ACTN4: variants seen among roughly 807,000 people sequenced by gnomAD.
ACTN4 encodes actinin alpha 4, also known as alpha-actinin-4.
A neutral mutation model predicts 114.2 loss-of-function variants in ACTN4; 18 were observed. That is an observed-to-expected ratio of 0.16 (90% CI 0.11 to 0.23). ACTN4 has a LOEUF of 0.23. Among genes scored for constraint, ACTN4 ranks in the 10% least tolerant of loss-of-function variants. ACTN4 has a pLI of 1.00. For missense variants in ACTN4, 722 were observed against 1,262.9 expected (o/e 0.57, Z 6.49); for synonymous variants, 515 against 506.3 (o/e 1.02, Z -0.23).
intron 1 of ACTN4, among the ~76,000 whole-genome samples, chr19:38,648,500 T>G (rs1390457331): frequency 6.6e-6 from 1 of 151,020 alleles, no homozygotes; most frequent in African/African-American, 2.4e-5. Context: ...GTGGGAAGAC[T>G]AGGGAGGCTG....
chr19:38,691,828 G>C (rs796459896), intron 1 of ACTN4, among the ~76,000 whole-genome samples: 1 of 152,046 alleles, frequency 6.6e-6, no homozygotes, highest in African/African-American at 2.4e-5. Flanking sequence ...ACTTGAACCC[G>C]GGAGGTGGAG....
At chr19:38,682,044 T>A (rs1967593867) in intron 1 of ACTN4, among the ~76,000 whole-genome samples, 1 of 152,150 alleles carries the variant, frequency 6.6e-6, no homozygotes, top group Non-Finnish European at 1.5e-5. Context: ...TTGACCAGGC[T>A]GGTATCAAGC....
At chr19:38,652,268 C>T (rs35091905) in intron 1 of ACTN4, among the ~76,000 whole-genome samples, 17 of 152,164 alleles carry the variant, frequency 1.1e-4, no homozygotes, top group Non-Finnish European at 2.4e-4. Flanking sequence ...CAAGTATACT[C>T]TGTTTGCCCT....
chr19:38,673,681 T>TA (rs1462100755), intron 1 of ACTN4, among the ~76,000 whole-genome samples: 2,070 of 96,788 alleles, frequency 0.021, 236 homozygotes, highest in African/African-American at 0.086. Flanking sequence ...TATTTATATA[T>TA]TTATATATAT....
chr19:38,654,344 G>A (rs1031686538), intron 1 of ACTN4, among the ~76,000 whole-genome samples: 1 of 151,974 alleles, frequency 6.6e-6, no homozygotes, highest in Non-Finnish European at 1.5e-5. Context: ...GGTGGATCAC[G>A]TGAGGTCAGG....
chr19:38,649,276 G>C (rs1976485378), intron 1 of ACTN4, among the ~76,000 whole-genome samples: 1 of 127,050 alleles, frequency 7.9e-6, no homozygotes, highest in Admixed American at 8.3e-5. Context: ...TGTCTGTGGG[G>C]GGGGGATAAA....
chr19:38,687,948 G>A (rs1461376902), intron 1 of ACTN4, among the ~76,000 whole-genome samples: 2 of 152,156 alleles, frequency 1.3e-5, no homozygotes, highest in East Asian at 3.8e-4. Flanking sequence ...ATGGGCAAAG[G>A]ATTCAAATAG....
chr19:38,697,168 G>A (rs1413582215), intron 1 of ACTN4, among the ~76,000 whole-genome samples: 1 of 152,190 alleles, frequency 6.6e-6, no homozygotes, highest in Non-Finnish European at 1.5e-5. Context: ...CGTATGGAGG[G>A]CGGGTAGGGC....
chr19:38,708,447 A>G (rs1968533488), intron 6 of ACTN4, among the ~76,000 whole-genome samples: 1 of 152,080 alleles, frequency 6.6e-6, no homozygotes, highest in Non-Finnish European at 1.5e-5. Context: ...GGGGTTATTT[A>G]AGGGCCTGGC....
rs761831106 is a variant in ACTN4, at chr19:38,706,138, G to T, written c.572+7G>T. On this transcript the variant is annotated splice_region_variant and intron_variant, in intron 5 of 20. Coordinates refer to ENST00000252699, the MANE Select transcript of ACTN4 (RefSeq NM_004924.6). The stretch of plus-strand genomic sequence containing the variant: ...TGCAGAACTTCCACATCAGGTAAGC[G>T]CCAGTCCTGGTCATCCTCTCCTTTC... 1 of 1,612,650 alleles carries T rather than the reference G, an allele frequency of 6.2e-7. No individual in the cohort carries two copies. The highest frequency in any genetic ancestry group is 8.5e-7 in the Non-Finnish European group (1 of 1,178,710).
intron 7 of ACTN4, 42 bp from the exon 8 acceptor site, chr19:38,710,215 C>A (rs762757195): frequency 2.5e-6 from 4 of 1,610,640 alleles, no homozygotes; most frequent in Non-Finnish European, 1.7e-6. Flanking sequence ...CCTCCACCCC[C>A]CGCCCTACTC....
intron 1 of ACTN4, among the ~76,000 whole-genome samples, chr19:38,654,419 G>A (rs986008603): frequency 3.9e-5 from 6 of 152,002 alleles, no homozygotes; most frequent in Non-Finnish European, 7.4e-5. Context: ...AAAATTAGCC[G>A]GGCACGGTGG....
intron 8 of ACTN4, 70 bp downstream of exon 8, chr19:38,710,412 G>A (rs1225080086): frequency 1.3e-5 from 19 of 1,503,670 alleles, no homozygotes; most frequent in Non-Finnish European, 1.5e-5. Context: ...CTCGCCTCCC[G>A]TGCTCACCTC....
At chr19:38,656,709 T>C (rs961975786) in intron 1 of ACTN4, among the ~76,000 whole-genome samples, 1 of 152,178 alleles carries the variant, frequency 6.6e-6, no homozygotes, top group Non-Finnish European at 1.5e-5. Context: ...AGCAATACAA[T>C]AGCATTTGTG....
chr19:38,678,190 A>G (rs770241637), intron 1 of ACTN4, among the ~76,000 whole-genome samples: 39 of 152,228 alleles, frequency 2.6e-4, no homozygotes, highest in Non-Finnish European at 5.3e-4. Flanking sequence ...GGTGAGTAAG[A>G]CAAAGAGAAG....
At chr19:38,662,711 T>TA (rs1300883024) in intron 1 of ACTN4, among the ~76,000 whole-genome samples, 1 of 152,212 alleles carries the variant, frequency 6.6e-6, no homozygotes, top group Non-Finnish European at 1.5e-5. Flanking sequence ...GACACAGCTG[T>TA]AAGTTTCCAT....
Position 38,717,210 on chromosome 19 carries a change from A to G in ACTN4, c.1037A>G (p.Lys346Arg). The G allele has an allele frequency of 6.2e-7, 1 of 1,614,230 alleles. No homozygotes were observed. Among genetic ancestry groups the G allele is most frequent in the Non-Finnish European group, 8.5e-7 (1 of 1,180,048 alleles). Residue 346 changes from lysine to arginine, a missense_variant, in exon 10 of 21, where the codon AAG becomes AGG. Physicochemically the swap from Lys to Arg is conservative, Grantham distance 26. Transcript: ENST00000252699. The surrounding 1 kb of genome is among the most constrained non-coding windows in gnomAD (Gnocchi z 4.0). ...RDYRRVHKPP[K>R]VQEKCQLEIN... is the part of the protein sequence containing the mutation. ...TACCGGCGTGTGCACAAGCCGCCCA[A>G]GGTGCAGGAGAAGTGCCAGCTGGAG...
intron 1 of ACTN4, among the ~76,000 whole-genome samples, chr19:38,674,269 G>T (rs1222939486): frequency 1.3e-5 from 2 of 152,102 alleles, no homozygotes; most frequent in Non-Finnish European, 2.9e-5. Context: ...CAGGGTTGTG[G>T]GAAGAGAGAA....
intron 1 of ACTN4, among the ~76,000 whole-genome samples, chr19:38,690,998 C>G (rs939792139): frequency 1.7e-4 from 26 of 152,326 alleles, no homozygotes; most frequent in African/African-American, 6.3e-4. Flanking sequence ...AGGTACCAGT[C>G]CAGGCAGTGG....
Sources: gnomAD v4.1 joint callset for allele counts (sites outside exome capture counted in the v4.1 genomes callset) on GRCh38, gnomAD v4.1.1 for gene constraint, Gnocchi (gnomAD v3.1) non-coding constraint, MANE v1.5 for transcripts, NCBI Gene and HGNC (gene_info 2026-07-23, HGNC 2026-07-21) for gene names.